The following BEND7 variants were observed in gnomAD, a reference collection of about 807,000 sequenced individuals.
BEND7 encodes the protein BEN domain-containing protein 7.
BEND7 carries 28 observed loss-of-function variants against 50.9 expected under a neutral mutation model. The ratio of observed to expected loss-of-function variants is 0.55; its 90% confidence interval spans 0.41 to 0.75. BEND7 has a LOEUF of 0.75. Ranked by LOEUF, BEND7 falls within the 30% of genes least tolerant of loss-of-function variation. BEND7 has a pLI of 0.00. For missense variants in BEND7, 477 were observed against 491.3 expected (o/e 0.97, Z 0.28); for synonymous variants, 170 against 183.9 (o/e 0.92, Z 0.61).
intron 6 of BEND7, among the ~76,000 whole-genome samples, chr10:13,468,348 G>C (rs778499352): frequency 2.6e-5 from 4 of 152,110 alleles, no homozygotes; most frequent in Non-Finnish European, 5.9e-5. Flanking sequence ...GGGAGAGAAG[G>C]GCACCACGGC....
chr10:13,500,659 C>T (rs1236630397), intron 2 of BEND7: 56 of 985,766 alleles, frequency 5.7e-5, no homozygotes, highest in Middle Eastern at 5.2e-4. Context: ...CAGGATGACA[C>T]GCTGCCGCTG....
chr10:13,511,899 C>T (rs2078300754), intron 2 of BEND7, among the ~76,000 whole-genome samples: 1 of 152,178 alleles, frequency 6.6e-6, no homozygotes, highest in Non-Finnish European at 1.5e-5. Context: ...TACTAAGCTG[C>T]TCAAGGAACT....
At chr10:13,451,754 T>TCCCC (rs141575572) in intron 7 of BEND7, among the ~76,000 whole-genome samples, 1 of 113,062 alleles carries the variant, frequency 8.8e-6, no homozygotes, top group African/African-American at 3.5e-5. Context: ...ATGCTATCCC[T>TCCCC]CCCCCTCCCC....
intron 2 of BEND7, among the ~76,000 whole-genome samples, chr10:13,509,946 C>A (rs2078162616): frequency 6.6e-6 from 1 of 152,172 alleles, no homozygotes. Flanking sequence ...TCCAAATGCT[C>A]TTACATTGTG....
intron 2 of BEND7, among the ~76,000 whole-genome samples, chr10:13,524,816 T>C (rs2079336775): frequency 6.6e-6 from 1 of 152,138 alleles, no homozygotes; most frequent in South Asian, 2.1e-4. Context: ...CTGGCCCCAG[T>C]GATATTCTTT....
intron 4 of BEND7, among the ~76,000 whole-genome samples, chr10:13,493,513 C>T (rs570840006): frequency 6.1e-4 from 93 of 152,326 alleles, no homozygotes; most frequent in Middle Eastern, 3.4e-3. Flanking sequence ...GAGCACCCTG[C>T]TACATGGCCT....
At chr10:13,504,158 A>C (rs145641427) in intron 2 of BEND7, among the ~76,000 whole-genome samples, 1 of 152,304 alleles carries the variant, frequency 6.6e-6, no homozygotes, top group African/African-American at 2.4e-5. Context: ...ATCTGGGGAC[A>C]GTGGGTGCTG....
chr10:13,498,807 G>T (rs1175515194), intron 3 of BEND7, among the ~76,000 whole-genome samples: 1 of 152,084 alleles, frequency 6.6e-6, no homozygotes, highest in African/African-American at 2.4e-5. Context: ...TTTGATACTG[G>T]CTTATGTACT....
intron 2 of BEND7, 35 bp downstream of exon 2, chr10:13,526,102 TG>T: frequency 8.9e-7 from 1 of 1,123,448 alleles, no homozygotes; most frequent in Non-Finnish European, 1.2e-6. Flanking sequence ...ATGGTCACGA[TG>T]TTTTGCTGAG....
chr10:13,503,712 A>AAAAC (rs71386198), intron 2 of BEND7, among the ~76,000 whole-genome samples: 2,427 of 151,324 alleles, frequency 0.016, 25 homozygotes, highest in Middle Eastern at 0.051. Context: ...ACTCCATCTC[A>AAAAC]AAACAAACAA....
intron 5 of BEND7, among the ~76,000 whole-genome samples, chr10:13,484,374 T>C (rs2076078829): frequency 6.6e-6 from 1 of 152,250 alleles, no homozygotes; most frequent in African/African-American, 2.4e-5. Flanking sequence ...AATCTTTTTA[T>C]TTCCTCCATT....
At chr10:13,454,748 T>C (rs1467287204) in intron 6 of BEND7, among the ~76,000 whole-genome samples, 2 of 152,234 alleles carry the variant, frequency 1.3e-5, no homozygotes, top group African/African-American at 4.8e-5. Flanking sequence ...CTGCAGCTGG[T>C]TGAATCTGTG....
chr10:13,470,324 A>G (rs1008252136), intron 6 of BEND7, among the ~76,000 whole-genome samples: 8 of 152,364 alleles, frequency 5.3e-5, no homozygotes, highest in African/African-American at 1.9e-4. Flanking sequence ...CAGTGTCCAC[A>G]ACGGCAACAG....
intron 5 of BEND7, among the ~76,000 whole-genome samples, chr10:13,487,929 C>G (rs1321943863): frequency 6.6e-6 from 1 of 151,634 alleles, no homozygotes; most frequent in East Asian, 1.9e-4. Context: ...CCTGTCTCTA[C>G]TAAAAACACA....
At chr10:13,447,418 C>G in intron 7 of BEND7, 102 bp from the exon 8 acceptor site, 1 of 1,096,112 alleles carries the variant, frequency 9.1e-7, no homozygotes, top group Non-Finnish European at 1.4e-6. Context: ...GTATACATAA[C>G]TGTTTTCACC....
chr10:13,460,417 T>G (rs1839971670), intron 6 of BEND7, among the ~76,000 whole-genome samples: 1 of 152,196 alleles, frequency 6.6e-6, no homozygotes, highest in African/African-American at 2.4e-5. Context: ...TTAAACAGGT[T>G]GGAGTAAAGC....
chr10:13,452,718 A>G (rs1838040075), intron 6 of BEND7, 60 bp from the exon 7 acceptor site: 3 of 1,451,894 alleles, frequency 2.1e-6, no homozygotes, highest in African/African-American at 1.4e-5. Flanking sequence ...CAGATCTGAA[A>G]CAGAAATATA....
intron 5 of BEND7, among the ~76,000 whole-genome samples, chr10:13,490,183 A>G (rs1460899408): frequency 6.6e-6 from 1 of 152,260 alleles, no homozygotes; most frequent in Admixed American, 6.5e-5. Context: ...ACTACGAGTC[A>G]CAACGCAAAA....
At chr10:13,496,962 A>C in intron 3 of BEND7, 74 bp from the exon 4 acceptor site, 2 of 1,446,616 alleles carry the variant, frequency 1.4e-6, no homozygotes, top group Middle Eastern at 1.8e-4. Context: ...AGAGGTGGAG[A>C]GAAAAAAGAA....
Sources: gnomAD v4.1 joint callset for allele counts (sites outside exome capture counted in the v4.1 genomes callset) on GRCh38, gnomAD v4.1.1 for gene constraint, MANE v1.5 for transcripts, NCBI Gene and HGNC (gene_info 2026-07-23, HGNC 2026-07-21) for gene names.